The following TRIO variants were observed in gnomAD, a reference collection of about 807,000 sequenced individuals.
The protein encoded by TRIO is triple functional domain protein.
In TRIO, 58 loss-of-function variants were observed where a neutral mutation model predicts 351.9. That is an observed-to-expected ratio of 0.16 (90% CI 0.13 to 0.21). The LOEUF is 0.21. TRIO is among the 10% of genes least tolerant of loss of function. TRIO has a pLI of 1.00. For missense variants in TRIO, 3,201 were observed against 4,027.8 expected, an observed-to-expected ratio of 0.79 and a Z score of 5.56; for synonymous variants, 1,758 against 1,595.7, an observed-to-expected ratio of 1.10 and a Z score of -2.42.
At chr5:14,235,141 G>T (rs1389537648) in intron 1 of TRIO, among the ~76,000 whole-genome samples, 2 of 152,124 alleles carry the variant, frequency 1.3e-5, no homozygotes, top group African/African-American at 4.8e-5. Context: ...GTAAAAACTT[G>T]TTACCCTACC....
chr5:14,477,078 A>T, intron 41 of TRIO, 115 bp downstream of exon 41: 2 of 855,594 alleles, frequency 2.3e-6, no homozygotes, highest in Non-Finnish European at 3.6e-6. Context: ...TGTTTAAGAT[A>T]AAATCAAACT....
intron 54 of TRIO, among the ~76,000 whole-genome samples, chr5:14,502,986 T>A (rs1462286690): frequency 6.6e-6 from 1 of 152,234 alleles, no homozygotes; most frequent in African/African-American, 2.4e-5. Context: ...TTCTTGTAGT[T>A]CTTAATCCTC....
At chr5:14,368,593 A>T in intron 16 of TRIO, 115 bp from the exon 17 acceptor site, 3 of 1,168,180 alleles carry the variant, frequency 2.6e-6, no homozygotes, top group Non-Finnish European at 3.6e-6. Context: ...GTGAGTATTA[A>T]CTGAAGGTAT....
chr5:14,461,161 G>T lies in TRIO; in HGVS notation c.5346G>T (p.Arg1782=). 6.4e-7 allele frequency: 1 copy of T among 1,557,028 alleles called. No homozygotes were observed. The highest frequency in any genetic ancestry group is 8.7e-7 in the Non-Finnish European group (1 of 1,151,024). ...GCAAGTGGCTCACCAGCCCCGTGCG[G>T]CGGCTCAGCAGCGGCAAGGCCGACG... ...TLRKWLTSPV[R]RLSSGKADGH... is the part of the protein sequence containing the mutation. The change falls in exon 35 of 57, where the codon CGG becomes CGT. Residue 1782 remains arginine, a synonymous_variant. Coordinates refer to ENST00000344204, the MANE Select transcript of TRIO (RefSeq NM_007118.4).
At chr5:14,444,091 T>C (rs1752263865) in intron 34 of TRIO, among the ~76,000 whole-genome samples, 2 of 152,162 alleles carry the variant, frequency 1.3e-5, no homozygotes, top group Admixed American at 6.5e-5. Context: ...TTTTTTTTTT[T>C]TTTCTTTCTG....
chr5:14,413,414 T>A (rs752253748), intron 33 of TRIO, among the ~76,000 whole-genome samples: 1 of 152,222 alleles, frequency 6.6e-6, no homozygotes, highest in Non-Finnish European at 1.5e-5. Context: ...TTCTCAGATA[T>A]GTATTGGCCA....
intron 34 of TRIO, chr5:14,420,264 T>A: frequency 5.6e-6 from 3 of 538,748 alleles, no homozygotes; most frequent in Non-Finnish European, 9.8e-6. Flanking sequence ...TAGTGAGATA[T>A]GACATCAGTT....
chr5:14,303,925 C>A (rs527597862), intron 7 of TRIO, among the ~76,000 whole-genome samples: 1 of 152,282 alleles, frequency 6.6e-6, no homozygotes, highest in East Asian at 1.9e-4. Context: ...GCGGAATGGA[C>A]TGGCTGCTCT....
chr5:14,368,632 C>A lies in TRIO; in HGVS notation c.2875-76C>A. 5 of 1,477,574 alleles carry A rather than the reference C, an allele frequency of 3.4e-6. No homozygotes were observed. The Admixed American group carries it at 9.9e-5, about 29-fold the overall frequency. The allele number at this position is 1,477,574 out of a possible 1,614,324, so 91.5% of individuals were successfully genotyped here. A position where few individuals can be genotyped will look rare whatever the true frequency, so the allele number is the denominator to read the frequency against. On this transcript the variant is annotated intron_variant, in intron 16 of 56. Transcript: ENST00000344204. Reference sequence around the variant, plus strand: ...CACAAAATCATGAAGAACAGAGTAACTGTAGCCATCCTGGTTCCTTTCTAG... The same window carrying A: ...CACAAAATCATGAAGAACAGAGTAAATGTAGCCATCCTGGTTCCTTTCTAG...
At chr5:14,491,682 A>G (rs146816758) in intron 48 of TRIO, among the ~76,000 whole-genome samples, 48 of 152,288 alleles carry the variant, frequency 3.2e-4, no homozygotes, top group African/African-American at 1.0e-3. Context: ...ATCCTGCCTC[A>G]CTGACCGAGT....
chr5:14,209,237 A>AT, intron 1 of TRIO, among the ~76,000 whole-genome samples: 1 of 152,234 alleles, frequency 6.6e-6, no homozygotes, highest in Non-Finnish European at 1.5e-5. Flanking sequence ...TGGTATGTAA[A>AT]TTATACCTTA....
chr5:14,208,133 G>C (rs1004055407), intron 1 of TRIO, among the ~76,000 whole-genome samples: 2 of 152,214 alleles, frequency 1.3e-5, no homozygotes, highest in Non-Finnish European at 2.9e-5. Context: ...CTTATCATTT[G>C]AACCAGCAGT....
rs563476148 is a variant in TRIO, at chr5:14,354,150, C to T, written c.2047-4028C>T. On this transcript the variant is annotated intron_variant, in intron 11 of 56. Transcript: ENST00000344204. The stretch of plus-strand genomic sequence containing the variant: ...CCCAGCGGTGCTGGGGGCCTGACCC[C>T]TACTGTCTGAGCAGGGCTGGGAGGG... Among the ~76,000 whole-genome samples, 9 of 152,296 alleles carry T rather than the reference C, an allele frequency of 5.9e-5. No homozygotes were observed. In the South Asian group the frequency reaches 1.9e-3, roughly 32 times the overall value.
chr5:14,281,434 CCCG>C (rs869092217), intron 3 of TRIO, among the ~76,000 whole-genome samples: 37 of 128,062 alleles, frequency 2.9e-4, no homozygotes, highest in African/African-American at 1.1e-3. Context: ...ACCCCCCCCC[CCCG>C]CCCCGTGATC....
intron 4 of TRIO, among the ~76,000 whole-genome samples, chr5:14,287,308 A>C (rs1294936134): frequency 6.6e-6 from 1 of 152,104 alleles, no homozygotes; most frequent in Non-Finnish European, 1.5e-5. Flanking sequence ...TGGGCTGTTG[A>C]GTTGTGAGGC....
intron 3 of TRIO, among the ~76,000 whole-genome samples, chr5:14,284,419 T>C (rs377565861): frequency 1.3e-5 from 2 of 152,142 alleles, no homozygotes; most frequent in East Asian, 3.9e-4. Context: ...GGCTTTTAAC[T>C]TGATAAAAAT....
Position 14,215,820 on chromosome 5 carries a change from T to C in TRIO, c.158-55005T>C, listed in dbSNP as rs545722547. 8.5e-5 allele frequency among the ~76,000 whole-genome samples: 13 copies of C among 152,338 alleles called. No individual in the cohort carries two copies. The East Asian group carries it at 1.7e-3, about 20-fold the overall frequency. On this transcript the variant is annotated intron_variant, in intron 1 of 56. Coordinates refer to ENST00000344204, the MANE Select transcript of TRIO (RefSeq NM_007118.4). Reference sequence around the variant, plus strand: ...TAAAACTAGTTTTTGTTCTTCTAAATAGACAACTGAATTTTGACAATAGAA... The same window carrying C: ...TAAAACTAGTTTTTGTTCTTCTAAACAGACAACTGAATTTTGACAATAGAA...
At chr5:14,213,794 G>C (rs1792056284) in intron 1 of TRIO, among the ~76,000 whole-genome samples, 1 of 152,070 alleles carries the variant, frequency 6.6e-6, no homozygotes, top group African/African-American at 2.4e-5. Context: ...GGAGTATTAG[G>C]GTTTATTCAA....
rs200240991 is a variant in TRIO, at chr5:14,496,943, G to A, written c.7945G>A (p.Gly2649Ser). 15 of 1,614,196 alleles carry A rather than the reference G, an allele frequency of 9.3e-6. No individual in the cohort carries two copies. Among genetic ancestry groups the A allele is most frequent in the African/African-American group, 5.3e-5 (4 of 75,056 alleles). The change falls in exon 50 of 57, where the codon GGC becomes AGC. Residue 2649 changes from glycine (G) to serine (S), a missense_variant. Gly to Ser is a moderately conservative substitution (Grantham distance 56). Coordinates refer to ENST00000344204, the MANE Select transcript of TRIO (RefSeq NM_007118.4). ...AAAATCTGAGAAAAAAGATAAAGAC[G>A]GCAAAAGGGAAGGCAAGTTAGAGAA... ...RKKSEKKDKD[G>S]KREGKLENGY...
Sources: allele counts gnomAD v4.1 joint callset (sites outside exome capture counted in the v4.1 genomes callset), GRCh38; gene constraint gnomAD v4.1.1; transcripts MANE v1.5; gene names NCBI Gene and HGNC (gene_info 2026-07-23, HGNC 2026-07-21).